MYO9B: variants seen among roughly 807,000 people sequenced by gnomAD.
MYO9B encodes unconventional myosin-IXb.
Under a neutral mutation model 229.5 loss-of-function variants are expected in MYO9B, and 71 were observed. The observed-to-expected ratio is 0.31, with a 90% CI of 0.26 to 0.38. The LOEUF (loss-of-function observed/expected upper bound fraction) is 0.38. MYO9B is among the 10% of genes least tolerant of loss of function. MYO9B has a pLI of 1.00. For missense variants in MYO9B, 2,255 were observed against 2,920.5 expected, an observed-to-expected ratio of 0.77 and a Z score of 5.25; for synonymous variants, 1,185 against 1,235.8, an observed-to-expected ratio of 0.96 and a Z score of 0.86.
At chr19:17,161,118 A>G (rs2072596754) in intron 8 of MYO9B, among the ~76,000 whole-genome samples, 1 of 152,050 alleles carries the variant, frequency 6.6e-6, no homozygotes, top group Admixed American at 6.6e-5. Context: ...GCTTTGATGC[A>G]CACGGTGACA....
At chr19:17,081,878 AG>A (rs2057536909) in intron 1 of MYO9B, among the ~76,000 whole-genome samples, 1 of 150,882 alleles carries the variant, frequency 6.6e-6, no homozygotes, top group Non-Finnish European at 1.5e-5. Context: ...GGGATTTTAC[AG>A]GGGATGTGTT....
At chr19:17,183,803 CA>C in intron 15 of MYO9B, 25 bp from the exon 16 acceptor site, 1 of 1,549,492 alleles carries the variant, frequency 6.5e-7, no homozygotes, top group Non-Finnish European at 8.7e-7. Context: ...CTTTTGTTCA[CA>C]AAACCATTTT....
chr19:17,109,966 C>T (rs1213990257), intron 2 of MYO9B, among the ~76,000 whole-genome samples: 2 of 152,206 alleles, frequency 1.3e-5, no homozygotes, highest in East Asian at 1.9e-4. Flanking sequence ...CAGGCCACAC[C>T]GCAGAGAGCC....
chr19:17,174,024 T>C (rs2072754492), intron 13 of MYO9B, among the ~76,000 whole-genome samples: 1 of 19,548 alleles, frequency 5.1e-5, no homozygotes, highest in Admixed American at 4.0e-4. Flanking sequence ...ATGAGCTGCT[T>C]TTTTTTTTTT....
chr19:17,166,282 A>G (rs568707464), intron 10 of MYO9B, among the ~76,000 whole-genome samples: 1 of 152,168 alleles, frequency 6.6e-6, no homozygotes, highest in African/African-American at 2.4e-5. Flanking sequence ...ACTTCAGGTG[A>G]TCTGCCCACC....
chr19:17,076,526 G>A (rs1050103368), intron 1 of MYO9B, among the ~76,000 whole-genome samples: 1 of 152,032 alleles, frequency 6.6e-6, no homozygotes, highest in African/African-American at 2.4e-5. Flanking sequence ...AGAGAAGGAA[G>A]GGGTTAGAGT....
rs1568661350 is a variant in MYO9B at position 17,101,378 on chromosome 19, G to A, written c.-58-282G>A. On this transcript the variant is annotated intron_variant, in intron 1 of 39. Transcript: ENST00000682292. This position sits in a 1 kb window ranked among gnomAD's most constrained non-coding sequence, Gnocchi z 4.7. ...GACGGGGTCTCGCTATGTTGCCCAG[G>A]CTGGTCTCAAACTCCTGGCCTCAAG... Among the ~76,000 whole-genome samples, 1 of 151,920 alleles carries A rather than the reference G, an allele frequency of 6.6e-6. No individual in the cohort carries two copies. The highest frequency in any genetic ancestry group is 2.4e-5 in the African/African-American group (1 of 41,370).
chr19:17,120,302 A>G (rs888024295), intron 2 of MYO9B, among the ~76,000 whole-genome samples: 3 of 152,302 alleles, frequency 2.0e-5, no homozygotes, highest in Middle Eastern at 3.4e-3. Flanking sequence ...AGCCACCGCT[A>G]CTGCCCCTTT....
intron 21 of MYO9B, among the ~76,000 whole-genome samples, chr19:17,194,340 C>T (rs903479365): frequency 7.2e-5 from 11 of 152,168 alleles, no homozygotes; most frequent in Non-Finnish European, 1.3e-4. Flanking sequence ...GCCAGGCAGA[C>T]GCAGGGCAGG....
At chr19:17,132,786 C>T (rs1225879753) in intron 2 of MYO9B, among the ~76,000 whole-genome samples, 2 of 151,356 alleles carry the variant, frequency 1.3e-5, no homozygotes, top group Non-Finnish European at 1.5e-5. Flanking sequence ...CCTTGGCTTC[C>T]GAAGTGGTGG....
chr19:17,132,513 T>TTTATTTA (rs2072211251), intron 2 of MYO9B, among the ~76,000 whole-genome samples: 1 of 109,750 alleles, frequency 9.1e-6, no homozygotes, highest in Admixed American at 9.6e-5. Flanking sequence ...TATTTATTTA[T>TTTATTTA]TTATTATTAT....
At chr19:17,081,996 CA>C (rs1273763068) in intron 1 of MYO9B, among the ~76,000 whole-genome samples, 1 of 151,952 alleles carries the variant, frequency 6.6e-6, no homozygotes, top group Non-Finnish European at 1.5e-5. Flanking sequence ...TTGCCAGGGT[CA>C]GGGGCAAGGA....
At chr19:17,085,353 T>C (rs1374145058) in intron 1 of MYO9B, among the ~76,000 whole-genome samples, 2 of 151,802 alleles carry the variant, frequency 1.3e-5, no homozygotes, top group East Asian at 1.9e-4. Flanking sequence ...TGGGAGATCC[T>C]GGCAGGCAGA....
intron 7 of MYO9B, among the ~76,000 whole-genome samples, chr19:17,158,464 A>G (rs1210629662): frequency 6.6e-6 from 1 of 151,990 alleles, no homozygotes; most frequent in Non-Finnish European, 1.5e-5. Flanking sequence ...GCATGGTGGC[A>G]GGTGCCTGTA....
Position 17,112,320 on chromosome 19 carries a change from G to C in MYO9B, c.840+9763G>C, listed in dbSNP as rs148871063. On this transcript the variant is annotated intron_variant, in intron 2 of 39. Coordinates refer to ENST00000682292, the MANE Select transcript of MYO9B (RefSeq NM_004145.4). ...AGCCGGGGTGGGAGGAAGCAAGAAG[G>C]GGGCAGGCGTGCCCAGGTATAGCAG... Among the ~76,000 whole-genome samples the C allele has an allele frequency of 3.2e-4, 48 of 152,246 alleles. No homozygotes were observed. In the East Asian group the frequency reaches 8.7e-3, roughly 28 times the overall value.
Position 17,169,691 on chromosome 19 carries a change from C to T in MYO9B, c.1793+1627C>T, listed in dbSNP as rs145765182. Among the ~76,000 whole-genome samples, 551 of 152,138 alleles carry T rather than the reference C, an allele frequency of 3.6e-3. 5 individuals carry two copies. Among genetic ancestry groups the T allele is most frequent in the African/African-American group, 0.012 (503 of 41,522 alleles). On this transcript the variant is annotated intron_variant, in intron 11 of 39. Transcript: ENST00000682292. ...TTGCCTCCTCCAGCTTCTAGGGGTC[C>T]AAGCTTTCCTTGGCTTTTGGCCACA...
At chr19:17,146,484 T>C (rs1471479874) in intron 3 of MYO9B, among the ~76,000 whole-genome samples, 4 of 151,540 alleles carry the variant, frequency 2.6e-5, no homozygotes, top group African/African-American at 9.7e-5. Context: ...GATTTACAAG[T>C]GAATGGATAG....
At chr19:17,131,911 A>T (rs78876826) in intron 2 of MYO9B, among the ~76,000 whole-genome samples, 1 of 151,832 alleles carries the variant, frequency 6.6e-6, no homozygotes, top group East Asian at 1.9e-4. Flanking sequence ...ACAGGGTCTC[A>T]CTCTGTCGTC....
intron 3 of MYO9B, among the ~76,000 whole-genome samples, chr19:17,150,116 G>A (rs2072460556): frequency 6.6e-6 from 1 of 152,164 alleles, no homozygotes; most frequent in African/African-American, 2.4e-5. Context: ...GCAGACAAAA[G>A]ACTGCTGTCT....
Sources: gnomAD v4.1 joint callset for allele counts (sites outside exome capture counted in the v4.1 genomes callset) on GRCh38, gnomAD v4.1.1 for gene constraint, Gnocchi (gnomAD v3.1) non-coding constraint, MANE v1.5 for transcripts, NCBI Gene and HGNC (gene_info 2026-07-23, HGNC 2026-07-21) for gene names.